Variants in PARP4 observed in about 807,000 individuals in gnomAD.
PARP4 encodes poly(ADP-ribose) polymerase family member 4, also known as protein mono-ADP-ribosyltransferase PARP4.
In PARP4, 120 loss-of-function variants were observed where a neutral mutation model predicts 187.7. The ratio of observed to expected loss-of-function variants is 0.64; its 90% CI spans 0.55 to 0.74. The LOEUF (loss-of-function observed/expected upper bound fraction) is 0.74. PARP4 is among the 30% of genes least tolerant of loss of function. PARP4 has a pLI of 0.00. For missense variants in PARP4, 1,836 were observed against 2,070.5 expected, an observed-to-expected ratio of 0.89 and a Z score of 2.20; for synonymous variants, 654 against 740.9, an observed-to-expected ratio of 0.88 and a Z score of 1.90.
At chr13:24,443,827 A>G in intron 27 of PARP4, 97 bp from the exon 28 acceptor site, 1 of 814,362 alleles carries the variant, frequency 1.2e-6, no homozygotes, top group Admixed American at 1.9e-5. Flanking sequence ...TAATCTGCAT[A>G]CAGTAAAATG....
chr13:24,503,380 A>G (rs1215354916), intron 2 of PARP4, among the ~76,000 whole-genome samples: 1 of 152,118 alleles, frequency 6.6e-6, no homozygotes, highest in Non-Finnish European at 1.5e-5. Flanking sequence ...CTATTTTCAT[A>G]TTTGGCTGTG....
At chr13:24,499,528 C>T in intron 4 of PARP4, 152 bp from the exon 5 acceptor site, 1 of 583,838 alleles carries the variant, frequency 1.7e-6, no homozygotes, top group African/African-American at 2.0e-5. Flanking sequence ...TCCCTAAGGC[C>T]TCCTTAGCTC....
Position 24,492,523 on chromosome 13 carries a change from C to T in PARP4, c.951G>A (p.Leu317=). The part of the protein sequence containing the change: ...ALKNGETAEQ[L]QKMMTEFYRL... ...TGTAAAACTCTGTCATCATCTTTTG[C>T]AATTGCTCTGCTGTTTCTCCATTTT... Residue 317 remains leucine, a synonymous_variant, in exon 9 of 34, where the codon TTG becomes TTA. Coordinates refer to ENST00000381989, the MANE Select transcript of PARP4 (RefSeq NM_006437.4). The T allele has an allele frequency of 6.2e-7, 1 of 1,613,970 alleles. No homozygotes were observed.
At chr13:24,501,562 G>T (rs530244711) in intron 3 of PARP4, 71 bp downstream of exon 3, 6 of 978,608 alleles carry the variant, frequency 6.1e-6, no homozygotes, top group Admixed American at 2.0e-5. Flanking sequence ...TCTGCCTATG[G>T]TATCTTTGAC....
chr13:24,496,885 T>C (rs978299247), intron 6 of PARP4, among the ~76,000 whole-genome samples: 1 of 152,168 alleles, frequency 6.6e-6, no homozygotes, highest in African/African-American at 2.4e-5. Context: ...TAGCCAGGCG[T>C]GGCAGCGCAT....
At position 24,478,292 on chromosome 13, in the gene PARP4, A is replaced by C. The variant is rs767768867; in HGVS notation, c.1449-16T>G. ...GATACTTGTACTACATGCGAAAGGA[A>C]ATAAACACATATTTACAGCTTAGAG... On this transcript the variant is annotated splice_polypyrimidine_tract_variant and intron_variant, in intron 12 of 33. Transcript: ENST00000381989. 1 of 1,541,144 alleles carries C rather than the reference A, an allele frequency of 6.5e-7. No individual in the cohort carries two copies.
chr13:24,504,121 ATTAT>A (rs1466830936), intron 1 of PARP4, among the ~76,000 whole-genome samples: 4 of 152,180 alleles, frequency 2.6e-5, no homozygotes, highest in African/African-American at 7.2e-5. Flanking sequence ...AGAAATTAAC[ATTAT>A]TTGATAGTGA....
chr13:24,459,070 T>C lies in PARP4; in HGVS notation c.2398A>G (p.Ser800Gly), dbSNP rs1462477117. The change falls in exon 20 of 34, where the codon AGT (serine) becomes GGT (glycine). Residue 800 changes from serine (S) to glycine (G), a missense_variant. Ser to Gly is a moderately conservative substitution (Grantham distance 56). Around this residue, in one of 8 missense-constraint regions of PARP4, gnomAD observed 1,147 missense variants for 1,214.2 expected, o/e 0.94. Coordinates refer to ENST00000381989, the MANE Select transcript of PARP4 (RefSeq NM_006437.4). ...EMPYVIEFIF[S>G]DTHELKQKRT... ...TTTTGTTTCAGTTCATGTGTATCAC[T>C]GAAAATGAATTCAATCACATACGGC... 1.9e-6 allele frequency: 3 copies of C among 1,609,482 alleles called. No homozygotes were observed. Among genetic ancestry groups the C allele is most frequent in the African/African-American group, 1.3e-5 (1 of 74,752 alleles).
At position 24,478,245 on chromosome 13, in the gene PARP4, T is replaced by C; in HGVS notation, c.1480A>G (p.Thr494Ala). 6.2e-7 allele frequency: 1 copy of C among 1,612,188 alleles called. No individual in the cohort carries two copies. Among genetic ancestry groups the C allele is most frequent in the Non-Finnish European group, 8.5e-7 (1 of 1,178,866 alleles). Residue 494 changes from threonine to alanine, a missense_variant, in exon 13 of 34, where the codon ACA becomes GCA. Physicochemically the swap from Thr to Ala is moderately conservative, Grantham distance 58 (BLOSUM62 0). Coordinates refer to ENST00000381989, the MANE Select transcript of PARP4 (RefSeq NM_006437.4). ...TSIKYSHPGETDGTRLLLICD... is the reference protein window; with the variant it reads ...TSIKYSHPGEADGTRLLLICD... ...ATGAGCAGGAGTCTGGTGCCATCTGTCTCTCCCGGGTGTGAGTACTTGATA... is the reference window on the plus strand; with the variant it reads ...ATGAGCAGGAGTCTGGTGCCATCTGCCTCTCCCGGGTGTGAGTACTTGATA...
chr13:24,435,202 A>G lies in PARP4; in HGVS notation c.3939T>C (p.Ser1313=). The G allele has an allele frequency of 6.2e-7, 1 of 1,614,228 alleles. No homozygotes were observed. The highest frequency in any genetic ancestry group is 1.3e-5 in the African/African-American group (1 of 75,068). Reference sequence around the variant, plus strand: ...CCGGAGCCAAAATAGGAAAAAAGCTAGAAGTAGATGTTTCCCATGGACTGA... The same window carrying G: ...CCGGAGCCAAAATAGGAAAAAAGCTGGAAGTAGATGTTTCCCATGGACTGA... The part of the protein sequence containing the change: ...KKVSPWETST[S]SFFPILAPAV... Residue 1313 remains serine, a synonymous_variant, in exon 31 of 34, where the codon TCT becomes TCC. Transcript: ENST00000381989.
chr13:24,437,071 G>C (rs1196523203), intron 30 of PARP4, among the ~76,000 whole-genome samples: 1 of 152,058 alleles, frequency 6.6e-6, no homozygotes, highest in Non-Finnish European at 1.5e-5. Context: ...ATGGAACAGA[G>C]TAGGTAAGTC....
At position 24,503,875 on chromosome 13, in the gene PARP4, T is replaced by G. The variant is rs536017594; in HGVS notation, c.-1-98A>C. ...CAAACTGTGGGAAAATTGGGCATTA[T>G]CTTAAGAAAGATATTGCAATCATGT... On this transcript the variant is annotated intron_variant, in intron 1 of 33. Transcript: ENST00000381989. 106 of 1,034,684 alleles carry G rather than the reference T, an allele frequency of 1.0e-4. 2 individuals carry two copies. The African/African-American group carries it at 1.3e-3, about 13-fold the overall frequency. 64.1% of individuals were successfully genotyped at this position (1,034,684 alleles called of 1,614,324 possible). A position where few individuals can be genotyped will look rare whatever the true frequency, so the allele number is the denominator to read the frequency against.
intron 2 of PARP4, among the ~76,000 whole-genome samples, chr13:24,502,217 GT>G (rs141754834): frequency 2.0e-5 from 3 of 151,734 alleles, no homozygotes; most frequent in African/African-American, 7.3e-5. Context: ...AGAAAATCTT[GT>G]TTTTTTTGTA....
At position 24,442,589 on chromosome 13, in the gene PARP4, C is replaced by T. The variant is rs770984479; in HGVS notation, c.3543+1G>A. On this transcript the variant is annotated splice_donor_variant, in intron 29 of 33. Coordinates refer to ENST00000381989, the MANE Select transcript of PARP4 (RefSeq NM_006437.4). LOFTEE classifies it high-confidence loss of function. ...AACCTCGAATTACCAATAATACATACCCTTTTCTCAACTGCCACAAAGCTT... is the reference window on the plus strand; with the variant it reads ...AACCTCGAATTACCAATAATACATATCCTTTTCTCAACTGCCACAAAGCTT... 3 of 1,461,276 alleles carry T rather than the reference C, an allele frequency of 2.1e-6. No homozygotes were observed. In the South Asian group the frequency reaches 3.4e-5, roughly 17 times the overall value. The allele number at this position is 1,461,276 out of a possible 1,614,324, so 90.5% of individuals were successfully genotyped here.
chr13:24,434,854 G>A lies in PARP4; in HGVS notation c.4287C>T (p.Phe1429=). ...GAAGCTGGGGAGAATCCAGCTCAGG[G>A]AAGGTGCCAGCAGAAGGCCTGGTAG... ...GFTTRPSAGT[F]PELDSPQLHF... Residue 1429 remains phenylalanine (F), a synonymous_variant, in exon 31 of 34, where the codon TTC becomes TTT. Transcript: ENST00000381989. 4.3e-6 allele frequency: 7 copies of A among 1,614,092 alleles called. No individual in the cohort carries two copies. The highest frequency in any genetic ancestry group is 5.9e-6 in the Non-Finnish European group (7 of 1,180,018).
intron 17 of PARP4, among the ~76,000 whole-genome samples, chr13:24,466,692 G>C (rs9578740): frequency 0.51 from 76,745 of 150,934 alleles, 19,829 homozygotes; most frequent in South Asian, 0.64. Flanking sequence ...CTACTTGGGA[G>C]GCTGGGGCAG....
Position 24,435,212 on chromosome 13 carries a change from G to A in PARP4, c.3929C>T (p.Thr1310Ile), listed in dbSNP as rs375187492. ...AATAGGAAAAAAGCTAGAAGTAGAT[G>A]TTTCCCATGGACTGACTTTCTTAAA... ...PLFKKVSPWE[T>I]STSSFFPILA... The change falls in exon 31 of 34, where the codon ACA becomes ATA. Residue 1310 changes from threonine (T) to isoleucine (I), a missense_variant. By Grantham distance (89) the Thr-to-Ile change is moderately conservative. Around this residue, in one of 8 missense-constraint regions of PARP4, gnomAD observed 450 missense variants for 439.2 expected, o/e 1.02. Coordinates refer to ENST00000381989, the MANE Select transcript of PARP4 (RefSeq NM_006437.4). 35 of 1,614,054 alleles carry A rather than the reference G, an allele frequency of 2.2e-5. No homozygotes were observed. The highest frequency in any genetic ancestry group is 2.6e-5 in the Non-Finnish European group (31 of 1,180,024).
chr13:24,450,847 A>G (rs73172130), intron 24 of PARP4, among the ~76,000 whole-genome samples: 15,356 of 151,710 alleles, frequency 0.1, 851 homozygotes, highest in Middle Eastern at 0.12. Context: ...GCACACCCAG[A>G]CTCCCCGTCA....
rs1366462020 is a variant in PARP4 at position 24,444,646 on chromosome 13, G to A, written c.3367-916C>T. ...CAGTGCAAATATTACAAACTTCTTG[G>A]TAATAATTTGTGATATTGTGATATG... On this transcript the variant is annotated intron_variant, in intron 27 of 33. Transcript: ENST00000381989. Among the ~76,000 whole-genome samples, 5 of 152,144 alleles carry A rather than the reference G, an allele frequency of 3.3e-5. No homozygotes were observed. In the South Asian group the frequency reaches 6.2e-4, roughly 19 times the overall value.
Sources: allele counts gnomAD v4.1 joint callset (sites outside exome capture counted in the v4.1 genomes callset), GRCh38; gene constraint gnomAD v4.1.1; regional missense constraint gnomAD v4.1.1; transcripts MANE v1.5; gene names NCBI Gene and HGNC (gene_info 2026-07-23, HGNC 2026-07-21).